Variants in TNC observed in about 807,000 individuals in gnomAD.
The protein encoded by TNC is tenascin C.
In TNC, 109 loss-of-function variants were observed where a neutral mutation model predicts 202.4. The observed-to-expected ratio is 0.54, with a 90% CI of 0.46 to 0.63. The LOEUF is 0.63. TNC is among the 30% of genes least tolerant of loss of function. The probability of loss-of-function intolerance (pLI) is 0.00; values close to 1 mark genes in which losing one functional copy is unlikely to be tolerated. For missense variants in TNC, 2,756 were observed against 2,833.3 expected (o/e 0.97, Z 0.62); for synonymous variants, 1,007 against 1,089.7 (o/e 0.92, Z 1.50).
rs184141485 is a variant in TNC, at chr9:115,075,716, C to T, written c.2950+316G>A. Reference sequence around the variant, plus strand: ...AGGAGAATCTCTTGAACCCTGGAGGCGGAGGTTGCAGTGAGCTGAGATCAT... The same window carrying T: ...AGGAGAATCTCTTGAACCCTGGAGGTGGAGGTTGCAGTGAGCTGAGATCAT... On this transcript the variant is annotated intron_variant, in intron 9 of 27. Transcript: ENST00000350763. 1.6e-3 allele frequency among the ~76,000 whole-genome samples: 248 copies of T among 152,144 alleles called. 2 individuals carry two copies. The highest frequency in any genetic ancestry group is 6.8e-3 in the Middle Eastern group (2 of 294).
chr9:115,062,097 T>C (rs1182489683), intron 13 of TNC, among the ~76,000 whole-genome samples: 1 of 152,236 alleles, frequency 6.6e-6, no homozygotes, highest in African/African-American at 2.4e-5. Flanking sequence ...CTTATTTTTG[T>C]GCCACAGCCC....
chr9:115,036,055 G>C (rs1392308719), intron 21 of TNC, 43 bp downstream of exon 21: 1 of 1,608,314 alleles, frequency 6.2e-7, no homozygotes, highest in Admixed American at 1.7e-5. Context: ...CTGTGGGTGG[G>C]CACCCCAGAA....
chr9:115,057,253 G>A lies in TNC; in HGVS notation c.4479C>T (p.Ala1493=), dbSNP rs1237843024. The part of the protein sequence containing the change: ...EYNISGAERT[A]HISGLPPSTD... ...TACTAGGGGGTAGCCCTGAGATATGGGCAGTTCGTTCAGCACCAGAGATAT... is the reference window on the plus strand; with the variant it reads ...TACTAGGGGGTAGCCCTGAGATATGAGCAGTTCGTTCAGCACCAGAGATAT... Residue 1493 remains alanine, a synonymous_variant, in exon 15 of 28, where the codon GCC becomes GCT. Transcript: ENST00000350763. 5 of 1,614,020 alleles carry A rather than the reference G, an allele frequency of 3.1e-6. No homozygotes were observed. Among genetic ancestry groups the A allele is most frequent in the East Asian group, 2.2e-5 (1 of 44,896 alleles).
chr9:115,066,641 G>A (rs565228283), intron 10 of TNC, among the ~76,000 whole-genome samples: 4 of 152,290 alleles, frequency 2.6e-5, no homozygotes, highest in South Asian at 2.1e-4. Context: ...ACTGTTACCC[G>A]AGGCCCACAT....
intron 7 of TNC, among the ~76,000 whole-genome samples, chr9:115,077,028 C>T (rs1319496828): frequency 6.6e-6 from 1 of 151,668 alleles, no homozygotes; most frequent in Admixed American, 6.6e-5. Context: ...CTCCCGAGTA[C>T]CTGGGATTGC....
chr9:115,082,769 T>C lies in TNC; in HGVS notation c.2170A>G (p.Lys724Glu), dbSNP rs541382953. 2 of 1,614,162 alleles carry C rather than the reference T, an allele frequency of 1.2e-6. No homozygotes were observed. The highest frequency in any genetic ancestry group is 8.5e-7 in the Non-Finnish European group (1 of 1,179,998). Residue 724 changes from lysine to glutamate, a missense_variant, in exon 5 of 28, where the codon AAG (lysine) becomes GAG (glutamate). This residue lies in a region of TNC where 2,559 missense variants were observed against 2,546.0 expected (regional missense o/e 1.01). Coordinates refer to ENST00000350763, the MANE Select transcript of TNC (RefSeq NM_002160.4). ...CACTCCACTTCCACAGATGTCTCCT[T>C]GATGGACTTGAATTTCAGGCCTTCA... is the stretch of plus-strand genomic sequence containing the variant. The part of the protein sequence containing the change: ...APEGLKFKSI[K>E]ETSVEVEWDP...
At chr9:115,064,107 C>T (rs1554803963) in intron 11 of TNC, 39 bp from the exon 12 acceptor site, 1 of 1,543,914 alleles carries the variant, frequency 6.5e-7, no homozygotes, top group Admixed American at 2.0e-5. Flanking sequence ...GATCAAATCA[C>T]ACAACAAGAT....
At chr9:115,082,881 TA>T in intron 4 of TNC, 74 bp from the exon 5 acceptor site, 3 of 985,140 alleles carry the variant, frequency 3.0e-6, no homozygotes, top group Non-Finnish European at 4.8e-6. Context: ...ACGATTCCAC[TA>T]AACCAGACTG....
intron 1 of TNC, among the ~76,000 whole-genome samples, chr9:115,111,399 C>CTTTTTTTTTTTTT (rs71375272): frequency 5.7e-4 from 41 of 71,360 alleles, no homozygotes; most frequent in African/African-American, 2.3e-3. Context: ...CTCTCTCTCT[C>CTTTTTTTTTTTTT]TTTTTTTTTT....
intron 1 of TNC, among the ~76,000 whole-genome samples, chr9:115,103,279 A>G (rs1043169029): frequency 6.6e-6 from 1 of 152,204 alleles, no homozygotes; most frequent in South Asian, 2.1e-4. Flanking sequence ...CCTAAGATGC[A>G]CTCAGCATGA....
chr9:115,065,036 G>T, intron 10 of TNC, 117 bp from the exon 11 acceptor site: 1 of 1,204,978 alleles, frequency 8.3e-7, no homozygotes, highest in Non-Finnish European at 1.2e-6. Flanking sequence ...CCAAGTGCCA[G>T]GCTTTGTTCA....
intron 23 of TNC, among the ~76,000 whole-genome samples, chr9:115,030,703 C>G (rs1233895075): frequency 6.6e-6 from 1 of 152,130 alleles, no homozygotes; most frequent in Non-Finnish European, 1.5e-5. Context: ...CTTTAGGATA[C>G]ATTCATAGTT....
chr9:115,107,703 C>T (rs2134216411), intron 1 of TNC, among the ~76,000 whole-genome samples: 1 of 152,290 alleles, frequency 6.6e-6, no homozygotes, highest in South Asian at 2.1e-4. Flanking sequence ...CTTTCAACTA[C>T]ATTGAGCTAC....
intron 7 of TNC, 123 bp downstream of exon 7, chr9:115,077,820 T>C: frequency 9.9e-7 from 1 of 1,009,918 alleles, no homozygotes; most frequent in African/African-American, 1.6e-5. Context: ...TTTACAGGAG[T>C]AGAAATACCC....
Position 115,048,373 on chromosome 9 carries a change from G to A in TNC, c.4739C>T (p.Thr1580Ile). 1 of 1,614,058 alleles carries A rather than the reference G, an allele frequency of 6.2e-7. No homozygotes were observed. The highest frequency in any genetic ancestry group is 1.1e-5 in the South Asian group (1 of 91,082). ...GCCTCTAAGCTCCAGCTTCCTCTGG[G>A]TTCCTGAAAGTGTGAATTCCTGGGG... ...LDPQEFTLSGTQRKLELRGLI... is the reference protein window; with the variant it reads ...LDPQEFTLSGIQRKLELRGLI... Residue 1580 changes from threonine to isoleucine, a missense_variant, in exon 16 of 28, where the codon ACC (threonine) becomes ATC (isoleucine). By Grantham distance (89) the Thr-to-Ile change is moderately conservative (BLOSUM62 -1). Coordinates refer to ENST00000350763, the MANE Select transcript of TNC (RefSeq NM_002160.4).
chr9:115,097,065 C>G (rs560199676), intron 1 of TNC, among the ~76,000 whole-genome samples: 1 of 152,218 alleles, frequency 6.6e-6, no homozygotes, highest in Admixed American at 6.5e-5. Flanking sequence ...TTTGAGGGCA[C>G]TCAGTCCATA....
At chr9:115,034,901 C>T (rs1830203991) in intron 22 of TNC, among the ~76,000 whole-genome samples, 1 of 152,114 alleles carries the variant, frequency 6.6e-6, no homozygotes, top group Non-Finnish European at 1.5e-5. Context: ...GCAGAGAAAC[C>T]TTTTGGCCTT....
In TNC at chr9:115,086,096, C is replaced by G. The variant is rs143944074; in HGVS notation, c.1635G>C (p.Gly545=). The G allele has an allele frequency of 1.9e-6, 3 of 1,613,256 alleles. No individual in the cohort carries two copies. The African/African-American group carries it at 4.0e-5, about 22-fold the overall frequency. The change falls in exon 3 of 28, where the codon GGG becomes GGC. Residue 545 remains glycine (G), a synonymous_variant. Coordinates refer to ENST00000350763, the MANE Select transcript of TNC (RefSeq NM_002160.4). ...TAAATCCTTCATGGCACACGCACTG[C>G]CCATTCACACAGCGACCCTGGCCAT... The part of the protein sequence containing the change: ...DCHGQGRCVN[G]QCVCHEGFMG...
rs768267087 is a variant in TNC at position 115,048,614 on chromosome 9, T to C, written c.4580-82A>G. 7.4e-6 allele frequency: 10 copies of C among 1,352,246 alleles called. No homozygotes were observed. In the East Asian group the frequency reaches 9.3e-5, roughly 13 times the overall value. 83.8% of individuals were successfully genotyped at this position (1,352,246 alleles called of 1,614,324 possible). A position where few individuals can be genotyped will look rare whatever the true frequency, so the allele number is the denominator to read the frequency against. On this transcript the variant is annotated intron_variant, in intron 15 of 27. Transcript: ENST00000350763. ...TAGCACACGTTTCCAAGAACACCAA[T>C]AGATACCCAAGTCCATCATTCAATT...
Sources: gnomAD v4.1 joint callset for allele counts (sites outside exome capture counted in the v4.1 genomes callset) on GRCh38, gnomAD v4.1.1 for gene constraint, gnomAD v4.1.1 regional missense constraint, MANE v1.5 for transcripts, NCBI Gene and HGNC (gene_info 2026-07-23, HGNC 2026-07-21) for gene names.